Variants in DSCAM observed in about 807,000 individuals in gnomAD.
DSCAM encodes cell adhesion molecule DSCAM.
DSCAM carries 47 observed loss-of-function variants against 217.7 expected under a neutral mutation model. The observed-to-expected ratio is 0.22, with a 90% CI of 0.17 to 0.28. DSCAM has a LOEUF of 0.28. DSCAM is among the 10% of genes least tolerant of loss of function. The pLI is 1.00. For missense variants in DSCAM, 2,080 were observed against 2,618.3 expected, an observed-to-expected ratio of 0.79 and a Z score of 4.49; for synonymous variants, 1,056 against 1,015.3, an observed-to-expected ratio of 1.04 and a Z score of -0.76.
intron 3 of DSCAM, among the ~76,000 whole-genome samples, chr21:40,512,957 T>C (rs996938566): frequency 1.3e-5 from 2 of 152,224 alleles, no homozygotes; most frequent in African/African-American, 2.4e-5. Context: ...TGGAGTGCAA[T>C]GGTGCAATCT....
rs141172542 is a variant in DSCAM, at chr21:40,592,239, AG to A, written c.508+100570del. Among the ~76,000 whole-genome samples, 612 of 152,316 alleles carry A rather than the reference AG, an allele frequency of 4.0e-3. 14 individuals carry two copies. In the East Asian group the frequency reaches 0.092, roughly 23 times the overall value. ...ACTCTGATAATGCAATTAGTCTGTA[AG>A]GAGTTTAGGTAGTTATCCTAAGGCA... On this transcript the variant is annotated intron_variant, in intron 3 of 32. Transcript: ENST00000400454.
intron 16 of DSCAM, among the ~76,000 whole-genome samples, chr21:40,152,092 A>G (rs141369893): frequency 5.7e-4 from 86 of 151,232 alleles, no homozygotes; most frequent in African/African-American, 2.1e-3. Flanking sequence ...AAATTAAAGG[A>G]GTCCTTTGAA....
chr21:40,297,694 T>C (rs1283583340), intron 9 of DSCAM, among the ~76,000 whole-genome samples: 1 of 152,186 alleles, frequency 6.6e-6, no homozygotes, highest in Non-Finnish European at 1.5e-5. Flanking sequence ...AGGGAAAATG[T>C]CAAGACACAA....
chr21:40,513,638 A>G (rs548380387), intron 3 of DSCAM, among the ~76,000 whole-genome samples: 1 of 152,188 alleles, frequency 6.6e-6, no homozygotes, highest in Non-Finnish European at 1.5e-5. Flanking sequence ...GAACTCGCTC[A>G]TTATCACAGG....
chr21:40,312,057 C>T (rs2074144533), intron 9 of DSCAM, 24 bp downstream of exon 9: 3 of 1,575,934 alleles, frequency 1.9e-6, no homozygotes, highest in African/African-American at 2.7e-5. Context: ...ACAGATGCCA[C>T]ATGGCTCATG....
chr21:40,736,737 A>G (rs1042472442), intron 1 of DSCAM, among the ~76,000 whole-genome samples: 2 of 152,210 alleles, frequency 1.3e-5, no homozygotes, highest in Non-Finnish European at 2.9e-5. Context: ...TCTTTCTATG[A>G]TGTCACAGAT....
At chr21:40,703,444 G>T (rs967129374) in intron 2 of DSCAM, among the ~76,000 whole-genome samples, 8 of 152,052 alleles carry the variant, frequency 5.3e-5, no homozygotes, top group Non-Finnish European at 1.2e-4. Flanking sequence ...ACTTGAGCCA[G>T]GGAAGCTGAG....
intron 3 of DSCAM, among the ~76,000 whole-genome samples, chr21:40,547,198 G>T (rs2076590315): frequency 6.6e-6 from 1 of 152,108 alleles, no homozygotes; most frequent in South Asian, 2.1e-4. Flanking sequence ...CAGCAAGGAA[G>T]ACAGCCTGCT....
chr21:40,127,209 A>T (rs2090103522), intron 19 of DSCAM, among the ~76,000 whole-genome samples: 1 of 152,226 alleles, frequency 6.6e-6, no homozygotes, highest in South Asian at 2.1e-4. Context: ...TCTAGCTATC[A>T]TCTCTAATAA....
intron 24 of DSCAM, 107 bp downstream of exon 24, chr21:40,083,801 G>T: frequency 1.4e-6 from 1 of 727,460 alleles, no homozygotes; most frequent in Non-Finnish European, 2.2e-6. Context: ...CGTATTTTTG[G>T]GGGAGAATAA....
intron 6 of DSCAM, among the ~76,000 whole-genome samples, chr21:40,344,178 C>T (rs975317363): frequency 4.6e-5 from 7 of 152,218 alleles, no homozygotes; most frequent in South Asian, 2.1e-4. Flanking sequence ...GGATTACAGG[C>T]GTGAGCGACA....
intron 3 of DSCAM, among the ~76,000 whole-genome samples, chr21:40,568,147 C>T (rs368324789): frequency 2.6e-5 from 4 of 152,224 alleles, no homozygotes; most frequent in South Asian, 4.1e-4. Flanking sequence ...TGCATGTGTA[C>T]CACCCCCTTC....
In DSCAM at chr21:40,458,748, A is replaced by C. The variant is rs943909484; in HGVS notation, c.509-89503T>G. On this transcript the variant is annotated intron_variant, in intron 3 of 32. Coordinates refer to ENST00000400454, the MANE Select transcript of DSCAM (RefSeq NM_001389.5). ...CTTTACCTAATTCTGTAACCTAAGGACAGATAATTCATATTCCTTCCCGGC... is the reference window on the plus strand; with the variant it reads ...CTTTACCTAATTCTGTAACCTAAGGCCAGATAATTCATATTCCTTCCCGGC... Among the ~76,000 whole-genome samples the C allele has an allele frequency of 2.0e-5, 3 of 152,180 alleles. No individual in the cohort carries two copies. The East Asian group carries it at 5.8e-4, about 29-fold the overall frequency.
intron 3 of DSCAM, among the ~76,000 whole-genome samples, chr21:40,654,901 C>T (rs112613030): frequency 2.0e-5 from 3 of 152,244 alleles, no homozygotes; most frequent in African/African-American, 7.2e-5. Context: ...TCTTTAGGGG[C>T]CATTACTCTG....
At chr21:40,204,034 G>A (rs1864302704) in intron 11 of DSCAM, among the ~76,000 whole-genome samples, 1 of 152,154 alleles carries the variant, frequency 6.6e-6, no homozygotes, top group Admixed American at 6.6e-5. Context: ...AACAACATAG[G>A]TAAAAGATAA....
chr21:40,296,962 G>A (rs1231897957), intron 9 of DSCAM, among the ~76,000 whole-genome samples: 1 of 152,016 alleles, frequency 6.6e-6, no homozygotes, highest in African/African-American at 2.4e-5. Flanking sequence ...CCTCTACCAG[G>A]AGATAAAGTG....
At chr21:40,623,045 A>G (rs957577739) in intron 3 of DSCAM, among the ~76,000 whole-genome samples, 21 of 152,168 alleles carry the variant, frequency 1.4e-4, no homozygotes, top group African/African-American at 5.1e-4. Flanking sequence ...AGCTGCCGCT[A>G]CCCACAAATT....
At chr21:40,555,432 T>C (rs369097016) in intron 3 of DSCAM, among the ~76,000 whole-genome samples, 2 of 152,238 alleles carry the variant, frequency 1.3e-5, no homozygotes, top group African/African-American at 2.4e-5. Context: ...GAGGCACTAG[T>C]AATTGGCTTC....
At chr21:40,271,903 G>C (rs760689444) in intron 11 of DSCAM, among the ~76,000 whole-genome samples, 89 of 152,086 alleles carry the variant, frequency 5.9e-4, no homozygotes, top group Non-Finnish European at 9.6e-4. Flanking sequence ...TTGTTTATGT[G>C]AAAGCTGTGT....
Sources: allele counts gnomAD v4.1 joint callset (sites outside exome capture counted in the v4.1 genomes callset), GRCh38; gene constraint gnomAD v4.1.1; transcripts MANE v1.5; gene names NCBI Gene and HGNC (gene_info 2026-07-23, HGNC 2026-07-21).